VIT: variants seen among roughly 807,000 people sequenced by gnomAD.
The protein encoded by VIT is vitrin.
A neutral mutation model predicts 78.0 loss-of-function variants in VIT; 99 were observed. The ratio of observed to expected loss-of-function variants is 1.27; its 90% confidence interval spans 1.08 to 1.50. The LOEUF is 1.50. Ranked by LOEUF, VIT falls within the 40% of genes most tolerant of loss-of-function variation. The pLI is 0.00. For missense variants in VIT, 1,126 were observed against 875.3 expected (o/e 1.29, Z -3.61); for synonymous variants, 374 against 334.3 (o/e 1.12, Z -1.29).
intron 13 of VIT, among the ~76,000 whole-genome samples, chr2:36,802,263 C>T (rs1207882425): frequency 6.6e-6 from 1 of 152,132 alleles, no homozygotes; most frequent in Non-Finnish European, 1.5e-5. Flanking sequence ...TCAAAGAGCC[C>T]ATGCCAGTGT....
At chr2:36,716,244 G>C (rs1666126528) in intron 1 of VIT, 109 bp from the exon 2 acceptor site, 7 of 780,008 alleles carry the variant, frequency 9.0e-6, no homozygotes, top group East Asian at 2.5e-5. Context: ...GGAATCGTAA[G>C]ACTCCAGAGG....
intron 6 of VIT, among the ~76,000 whole-genome samples, chr2:36,766,506 G>T (rs1229297224): frequency 6.6e-6 from 1 of 152,112 alleles, no homozygotes; most frequent in Non-Finnish European, 1.5e-5. Context: ...ACTGCAGCCT[G>T]GGTGACAGAG....
In VIT at chr2:36,795,638, C is replaced by T. The variant is rs1572555231; in HGVS notation, c.1059-5663C>T. ...TCATATTGATCAAGCTGGTCTCGAA[C>T]TCCTGACCTCAGGTGATCCGCCTGC... On this transcript the variant is annotated intron_variant, in intron 12 of 15. Coordinates refer to ENST00000379242, the MANE Select transcript of VIT (RefSeq NM_053276.4). 1.3e-5 allele frequency among the ~76,000 whole-genome samples: 2 copies of T among 152,104 alleles called. 1 individual carries two copies. Among genetic ancestry groups the T allele is most frequent in the East Asian group, 3.9e-4 (2 of 5,180 alleles).
Position 36,801,261 on chromosome 2 carries a change from A to G in VIT, c.1059-40A>G, listed in dbSNP as rs762286274. On this transcript the variant is annotated intron_variant, in intron 12 of 15. Coordinates refer to ENST00000379242, the MANE Select transcript of VIT (RefSeq NM_053276.4). The stretch of plus-strand genomic sequence containing the variant: ...TCTCTGCCTTCCTCCAAAGGTATTA[A>G]CTTTGCAGCTAATTTGTATTTCTTG... The G allele has an allele frequency of 4.6e-6, 7 of 1,526,150 alleles. No homozygotes were observed. The Admixed American group carries it at 1.0e-4, about 22-fold the overall frequency. The allele number at this position is 1,526,150 out of a possible 1,614,324, so 94.5% of individuals were successfully genotyped here.
chr2:36,813,453 A>G (rs779530966), intron 15 of VIT, among the ~76,000 whole-genome samples: 66 of 152,148 alleles, frequency 4.3e-4, no homozygotes, highest in Non-Finnish European at 7.9e-4. Flanking sequence ...TGTCTCAAAC[A>G]AACAAACAAA....
chr2:36,756,697 G>C (rs531210519), intron 5 of VIT, among the ~76,000 whole-genome samples: 20 of 152,096 alleles, frequency 1.3e-4, no homozygotes, highest in Non-Finnish European at 2.9e-4. Flanking sequence ...CAGTACTGTG[G>C]GGTTTTTGCC....
At chr2:36,793,817 G>A (rs1665670540) in intron 12 of VIT, among the ~76,000 whole-genome samples, 1 of 152,214 alleles carries the variant, frequency 6.6e-6, no homozygotes, top group Non-Finnish European at 1.5e-5. Flanking sequence ...GACTCAGAGT[G>A]TCATGGGGTA....
At chr2:36,735,968 G>A (rs1236984590) in intron 3 of VIT, among the ~76,000 whole-genome samples, 4 of 152,164 alleles carry the variant, frequency 2.6e-5, no homozygotes, top group Admixed American at 6.5e-5. Flanking sequence ...GGGAAGAAAC[G>A]TAAGTTAATG....
chr2:36,756,766 T>C (rs559622537), intron 5 of VIT, among the ~76,000 whole-genome samples: 1 of 152,288 alleles, frequency 6.6e-6, no homozygotes, highest in East Asian at 1.9e-4. Context: ...CGAATACAAA[T>C]ATGTTGAGAC....
intron 4 of VIT, among the ~76,000 whole-genome samples, chr2:36,754,488 C>T: frequency 6.6e-6 from 1 of 152,110 alleles, no homozygotes; most frequent in East Asian, 1.9e-4. Flanking sequence ...GCACAGCTTT[C>T]CTCCCTGACC....
chr2:36,805,930 G>T (rs922530002), intron 14 of VIT, among the ~76,000 whole-genome samples: 23 of 151,990 alleles, frequency 1.5e-4, no homozygotes, highest in African/African-American at 5.6e-4. Flanking sequence ...CCCCAGGGGG[G>T]GTCTCACCCA....
intron 4 of VIT, 77 bp from the exon 5 acceptor site, chr2:36,754,844 G>C (rs547977387): frequency 1.3e-6 from 2 of 1,504,416 alleles, no homozygotes; most frequent in South Asian, 2.6e-5. Flanking sequence ...TAAAGATGGC[G>C]ACTGGTTTTC....
chr2:36,723,339 G>A (rs983000002), intron 2 of VIT, among the ~76,000 whole-genome samples: 3 of 152,244 alleles, frequency 2.0e-5, no homozygotes, highest in African/African-American at 4.8e-5. Flanking sequence ...ATTCCTAGGA[G>A]TTTGTTTTCT....
At chr2:36,805,308 GAAAAAAAAAA>G in intron 13 of VIT, 120 bp from the exon 14 acceptor site, 1 of 585,216 alleles carries the variant, frequency 1.7e-6, no homozygotes, top group Admixed American at 4.9e-5. Context: ...TGTCTCAAAG[GAAAAAAAAAA>G]AAAAAAAAAC....
At chr2:36,700,540 G>C (rs1489603483) in intron 1 of VIT, among the ~76,000 whole-genome samples, 1 of 152,098 alleles carries the variant, frequency 6.6e-6, no homozygotes, top group Non-Finnish European at 1.5e-5. Context: ...CCAGGAGTTT[G>C]AGACCAGCCC....
intron 2 of VIT, among the ~76,000 whole-genome samples, chr2:36,717,496 A>T (rs1573138042): frequency 1.3e-5 from 2 of 151,782 alleles, no homozygotes; most frequent in East Asian, 3.9e-4. Context: ...TCAGCCTCCC[A>T]AAGTGCTGGG....
In VIT at chr2:36,716,874, T is replaced by G. The variant is rs1280319826; in HGVS notation, c.52+452T>G. The stretch of plus-strand genomic sequence containing the variant: ...TCACGCTTTTAGAGATGATTCTTTT[T>G]TTTTTTTTTTTTTTTTTTTTGAGAT... On this transcript the variant is annotated intron_variant, in intron 2 of 15. Coordinates refer to ENST00000379242, the MANE Select transcript of VIT (RefSeq NM_053276.4). Among the ~76,000 whole-genome samples the G allele has an allele frequency of 3.2e-3, 169 of 53,506 alleles. 1 individual carries two copies. Among genetic ancestry groups the G allele is most frequent in the African/African-American group, 6.0e-3 (162 of 26,980 alleles). The allele number at this position is 53,506 out of a possible 152,430, so 35.1% of individuals were successfully genotyped here.
In VIT at chr2:36,743,132, G is replaced by A. The variant is rs371430298; in HGVS notation, c.151G>A (p.Gly51Arg). 5.0e-5 allele frequency: 80 copies of A among 1,614,010 alleles called. 1 individual carries two copies. The South Asian group carries it at 6.3e-4, about 13-fold the overall frequency. The part of the protein sequence containing the change: ...VPQINCDVKA[G>R]KIIDPEFIVK... ...TCAGATCAACTGCGATGTCAAAGCC[G>A]GAAAGATCATCGATCCTGAGTTCAT... The change falls in exon 4 of 16, where the codon GGA becomes AGA. Residue 51 changes from glycine (G) to arginine (R), a missense_variant. Transcript: ENST00000379242.
In VIT at chr2:36,759,022, T is replaced by C. The variant is rs747607258; in HGVS notation, c.463T>C (p.Ser155Pro). The C allele has an allele frequency of 6.2e-7, 1 of 1,614,128 alleles. No individual in the cohort carries two copies. The highest frequency in any genetic ancestry group is 8.5e-7 in the Non-Finnish European group (1 of 1,180,032). Residue 155 changes from serine (S) to proline (P), a missense_variant, in exon 6 of 16, where the codon TCG becomes CCG. Transcript: ENST00000379242. ...TYPSALTYSS[S>P]KSPAAQAGET... Reference sequence around the variant, plus strand: ...CCCATCAGCTCTTACATACTCATCATCGAAAAGTCCAGCTGCCCAAGCAGG... The same window carrying C: ...CCCATCAGCTCTTACATACTCATCACCGAAAAGTCCAGCTGCCCAAGCAGG...
Sources: allele counts gnomAD v4.1 joint callset (sites outside exome capture counted in the v4.1 genomes callset), GRCh38; gene constraint gnomAD v4.1.1; transcripts MANE v1.5; gene names NCBI Gene and HGNC (gene_info 2026-07-23, HGNC 2026-07-21).